Variants in AIFM2 observed in about 807,000 individuals in gnomAD.
AIFM2 encodes the protein ferroptosis suppressor protein 1.
A neutral mutation model predicts 35.7 loss-of-function variants in AIFM2; 38 were observed. The ratio of observed to expected loss-of-function variants is 1.06; its 90% CI spans 0.82 to 1.39. The LOEUF (loss-of-function observed/expected upper bound fraction) is 1.39, where lower values mean the gene tolerates loss of function less well. AIFM2 is among the 40% of genes most tolerant of loss of function. The pLI, the probability that AIFM2 is intolerant of heterozygous loss-of-function variation, is 0.00. For missense variants in AIFM2, 476 were observed against 491.2 expected (o/e 0.97, Z 0.29); for synonymous variants, 185 against 203.5 (o/e 0.91, Z 0.77).
chr10:70,124,210 C>A (rs1258856244), intron 1 of AIFM2, 113 bp from the exon 2 acceptor site: 3 of 769,564 alleles, frequency 3.9e-6, no homozygotes, highest in African/African-American at 1.8e-5. Context: ...TGAGGTAAAT[C>A]TTTGATTAAT....
In AIFM2 at chr10:70,120,554, C is replaced by G. The variant is rs1298055139; in HGVS notation, c.460G>C (p.Gly154Arg). The part of the protein sequence containing the change: ...FIVVVGGGSA[G>R]VEMAAEIKTE... ...TTAATCTCTGCTGCCATCTCCACTC[C>G]AGCCGAGCCTCCTCCCACCACCACG... Residue 154 changes from glycine to arginine, a missense_variant, in exon 5 of 9, where the codon GGA (glycine) becomes CGA (arginine). Gly to Arg is a moderately radical substitution (Grantham distance 125). Transcript: ENST00000307864. The G allele has an allele frequency of 4.3e-6, 7 of 1,614,068 alleles. No individual in the cohort carries two copies. Among genetic ancestry groups the G allele is most frequent in the Non-Finnish European group, 5.9e-6 (7 of 1,180,048 alleles).
chr10:70,114,963 G>A lies in AIFM2; in HGVS notation c.927C>T (p.Ile309=), dbSNP rs201852745. The part of the protein sequence containing the change: ...GLHANIAVAN[I]VNSVKQRPLQ... The stretch of plus-strand genomic sequence containing the variant: ...GAGGCCGCTGCTTCACAGAGTTGAC[G>A]ATGTTGGCCACGGCGATGTTGGCGT... Residue 309 remains isoleucine, a synonymous_variant, in exon 8 of 9, where the codon ATC becomes ATT. Coordinates refer to ENST00000307864, the MANE Select transcript of AIFM2 (RefSeq NM_032797.6). The A allele has an allele frequency of 5.6e-6, 9 of 1,614,058 alleles. No individual in the cohort carries two copies. Among genetic ancestry groups the A allele is most frequent in the East Asian group, 4.5e-5 (2 of 44,888 alleles).
chr10:70,130,199 T>A (rs1406400842), intron 1 of AIFM2, among the ~76,000 whole-genome samples: 8 of 152,156 alleles, frequency 5.3e-5, no homozygotes, highest in East Asian at 3.8e-4. Flanking sequence ...AAATTTTTTT[T>A]AATTTAAATT....
chr10:70,120,420 C>G, intron 5 of AIFM2, 87 bp downstream of exon 5: 1 of 1,360,326 alleles, frequency 7.4e-7, no homozygotes, highest in Non-Finnish European at 1.1e-6. Context: ...CCAGACTTCT[C>G]TGCCCTGAGC....
chr10:70,118,558 A>G (rs2072463801), intron 5 of AIFM2, among the ~76,000 whole-genome samples: 1 of 152,260 alleles, frequency 6.6e-6, no homozygotes, highest in African/African-American at 2.4e-5. Context: ...TAAGTCCTTA[A>G]TAAAGGGTGG....
At chr10:70,126,333 C>T (rs955250228) in intron 1 of AIFM2, among the ~76,000 whole-genome samples, 3 of 152,232 alleles carry the variant, frequency 2.0e-5, no homozygotes, top group African/African-American at 7.2e-5. Flanking sequence ...AGAGGCTCAA[C>T]AGCTGCTGTG....
chr10:70,127,417 C>A (rs936542919), intron 1 of AIFM2, among the ~76,000 whole-genome samples: 3 of 152,198 alleles, frequency 2.0e-5, no homozygotes, highest in African/African-American at 7.2e-5. Flanking sequence ...GCCTTCCTAG[C>A]AGAGGAAACA....
At chr10:70,119,945 C>T (rs569439732) in intron 5 of AIFM2, among the ~76,000 whole-genome samples, 145 of 152,326 alleles carry the variant, frequency 9.5e-4, no homozygotes, top group Admixed American at 1.6e-3. Flanking sequence ...GTCCCCTCCC[C>T]GTTCCCACCC....
chr10:70,115,879 C>T (rs2072430508), intron 7 of AIFM2, among the ~76,000 whole-genome samples: 1 of 152,216 alleles, frequency 6.6e-6, no homozygotes, highest in African/African-American at 2.4e-5. Flanking sequence ...GAAAATACAA[C>T]ATTAGGACAA....
In AIFM2 at chr10:70,117,964, T is replaced by C; in HGVS notation, c.508-44A>G. The stretch of plus-strand genomic sequence containing the variant: ...CAGGGCCTGAGAAGGAGCCCCCAAG[T>C]CTTCAAACACAATCATTGCACGAAC... On this transcript the variant is annotated intron_variant, in intron 5 of 8. Transcript: ENST00000307864. This position sits in a 1 kb window ranked among gnomAD's most constrained non-coding sequence, Gnocchi z 4.7. The C allele has an allele frequency of 7.0e-7, 1 of 1,418,998 alleles. No individual in the cohort carries two copies. The allele number at this position is 1,418,998 out of a possible 1,614,324, so 87.9% of individuals were successfully genotyped here.
chr10:70,119,459 A>G (rs1232065704), intron 5 of AIFM2, among the ~76,000 whole-genome samples: 1 of 152,134 alleles, frequency 6.6e-6, no homozygotes, highest in African/African-American at 2.4e-5. Flanking sequence ...GTAGTGTCAG[A>G]ATTGAATTGA....
At chr10:70,116,566 A>G (rs889001177) in intron 7 of AIFM2, 56 bp downstream of exon 7, 63 of 1,603,912 alleles carry the variant, frequency 3.9e-5, no homozygotes, top group Non-Finnish European at 5.3e-5. Context: ...CAGGGCATTC[A>G]GAGGGTACTG....
chr10:70,120,055 A>G (rs2072481338), intron 5 of AIFM2, among the ~76,000 whole-genome samples: 1 of 152,252 alleles, frequency 6.6e-6, no homozygotes, highest in South Asian at 2.1e-4. Flanking sequence ...AGCAGGGGCT[A>G]CCATATCAGG....
intron 8 of AIFM2, 82 bp from the exon 9 acceptor site, chr10:70,114,411 G>C: frequency 6.4e-7 from 1 of 1,557,112 alleles, no homozygotes; most frequent in Non-Finnish European, 8.7e-7. Flanking sequence ...TCCTTCCCGA[G>C]GCCTTCAGAC....
At chr10:70,115,533 G>A (rs1014890845) in intron 7 of AIFM2, among the ~76,000 whole-genome samples, 4 of 152,236 alleles carry the variant, frequency 2.6e-5, no homozygotes, top group East Asian at 1.9e-4. Flanking sequence ...TTGGGAGGCC[G>A]AGGCGGCCAG....
In AIFM2 at chr10:70,117,918, G is replaced by A. The variant is rs2072456137; in HGVS notation, c.510C>T (p.Val170=). The A allele has an allele frequency of 5.6e-6, 9 of 1,606,826 alleles. No homozygotes were observed. The highest frequency in any genetic ancestry group is 7.6e-6 in the Non-Finnish European group (9 of 1,176,800). Residue 170 remains valine, a splice_region_variant and synonymous_variant, in exon 6 of 9, where the codon GTC becomes GTT. Coordinates refer to ENST00000307864, the MANE Select transcript of AIFM2 (RefSeq NM_032797.6). The surrounding 1 kb of genome is among the most constrained non-coding windows in gnomAD (Gnocchi z 4.7). ...GGGCCACTTGGGAGTGAATGAGAGTGACCTGAGGACAAAACGACCACAGGG... is the reference window on the plus strand; with the variant it reads ...GGGCCACTTGGGAGTGAATGAGAGTAACCTGAGGACAAAACGACCACAGGG... The part of the protein sequence containing the change: ...EIKTEYPEKE[V]TLIHSQVALA...
At chr10:70,127,291 C>A (rs1015153264) in intron 1 of AIFM2, among the ~76,000 whole-genome samples, 15 of 152,334 alleles carry the variant, frequency 9.8e-5, no homozygotes, top group Non-Finnish European at 1.6e-4. Context: ...AGAGGGGCTA[C>A]GCAGCTGGCC....
chr10:70,124,875 C>T (rs1564554119), intron 1 of AIFM2, among the ~76,000 whole-genome samples: 1 of 152,186 alleles, frequency 6.6e-6, no homozygotes, highest in East Asian at 1.9e-4. Context: ...GACAAGAATC[C>T]TGCAAAATTC....
chr10:70,122,727 TAAAA>T (rs934536653), intron 3 of AIFM2, among the ~76,000 whole-genome samples: 1 of 152,234 alleles, frequency 6.6e-6, no homozygotes, highest in Non-Finnish European at 1.5e-5. Context: ...GGCTCTGGGC[TAAAA>T]TTGCATGGGT....
Sources: allele counts gnomAD v4.1 joint callset (sites outside exome capture counted in the v4.1 genomes callset), GRCh38; gene constraint gnomAD v4.1.1; non-coding constraint Gnocchi (gnomAD v3.1); transcripts MANE v1.5; gene names NCBI Gene and HGNC (gene_info 2026-07-23, HGNC 2026-07-21).